Variants in IL1RAPL2 observed in about 807,000 individuals in gnomAD.
The protein encoded by IL1RAPL2 is X-linked interleukin-1 receptor accessory protein-like 2.
A neutral mutation model predicts 44.1 loss-of-function variants in IL1RAPL2; 3 were observed. The observed-to-expected ratio is 0.07, with a 90% CI of 0.03 to 0.18. The LOEUF (loss-of-function observed/expected upper bound fraction) is 0.18, where lower values mean the gene tolerates loss of function less well. Among genes scored for constraint, IL1RAPL2 ranks in the 10% least tolerant of loss-of-function variants. The probability of loss-of-function intolerance (pLI) is 1.00; values close to 1 mark genes in which losing one functional copy is unlikely to be tolerated. For synonymous variants in IL1RAPL2, 181 were observed against 178.8 expected, an observed-to-expected ratio of 1.01 and a Z score of -0.10; for missense variants, 391 against 496.4, an observed-to-expected ratio of 0.79 and a Z score of 2.02.
At chrX:105,766,854 G>A (rs2038734921) in intron 10 of IL1RAPL2, 110 bp from the exon 11 acceptor site, 2 of 492,209 alleles carry the variant, frequency 4.1e-6, no homozygotes, top group African/African-American at 2.4e-5. Flanking sequence ...AAGAAAATGT[G>A]ATGGACTTTA....
chrX:104,903,549 G>A (rs949678312), intron 2 of IL1RAPL2, among the ~76,000 whole-genome samples: 7 of 111,159 alleles, frequency 6.3e-5, no homozygotes, highest in Non-Finnish European at 1.9e-5. Flanking sequence ...GACCCTTTGA[G>A]GTCAGTTGTA....
intron 2 of IL1RAPL2, among the ~76,000 whole-genome samples, chrX:105,025,041 C>T (rs1404910480): frequency 9.1e-6 from 1 of 109,834 alleles, no homozygotes; most frequent in East Asian, 2.9e-4. Context: ...CAACGTTTTC[C>T]ACTGTGTATT....
At chrX:105,074,411 T>A (rs1211213092) in intron 2 of IL1RAPL2, among the ~76,000 whole-genome samples, 2 of 111,771 alleles carry the variant, frequency 1.8e-5, no homozygotes, top group Non-Finnish European at 3.8e-5. Context: ...ATCTCTGTTT[T>A]GGTACCAGTA....
At chrX:105,377,085 C>G (rs1016127256) in intron 5 of IL1RAPL2, among the ~76,000 whole-genome samples, 2 of 111,721 alleles carry the variant, frequency 1.8e-5, no homozygotes, top group East Asian at 5.6e-4. Flanking sequence ...TTTGTATAAA[C>G]TTTCCCCAAA....
In IL1RAPL2 at chrX:105,612,252, C is replaced by A. The variant is rs186388393; in HGVS notation, c.773-105115C>A. 3.6e-5 allele frequency among the ~76,000 whole-genome samples: 4 copies of A among 110,691 alleles called. No individual in the cohort carries two copies. The East Asian group carries it at 1.1e-3, about 32-fold the overall frequency. ...CTCTGAGTCGTTGGGACTACAGGTG[C>A]ATGCCACCATGCTTAGCTAATTTTT... On this transcript the variant is annotated intron_variant, in intron 6 of 10. Coordinates refer to ENST00000372582, the MANE Select transcript of IL1RAPL2 (RefSeq NM_017416.2).
chrX:105,114,007 C>A (rs1286390152), intron 2 of IL1RAPL2, among the ~76,000 whole-genome samples: 1 of 111,858 alleles, frequency 8.9e-6, no homozygotes, highest in Non-Finnish European at 1.9e-5. Context: ...TTGTTTACTT[C>A]CTCTGGAAAA....
intron 2 of IL1RAPL2, among the ~76,000 whole-genome samples, chrX:104,882,339 C>A (rs1923093244): frequency 8.9e-6 from 1 of 111,832 alleles, no homozygotes; most frequent in Non-Finnish European, 1.9e-5. Flanking sequence ...AAATAAGTAC[C>A]CATTTTCAAT....
intron 2 of IL1RAPL2, among the ~76,000 whole-genome samples, chrX:104,778,745 A>G (rs958243527): frequency 2.7e-5 from 3 of 109,552 alleles, no homozygotes; most frequent in Non-Finnish European, 5.7e-5. Flanking sequence ...CAGCCAATTA[A>G]AATGGATTTT....
rs1174518880 is a variant in IL1RAPL2, at chrX:104,647,032, CT to C, written c.-19-11852del. On this transcript the variant is annotated intron_variant, in intron 1 of 10. Transcript: ENST00000372582. ...TTATAGTAGTGTCAAAAATTCCAAA[CT>C]TTTTTTTTTTAAGAGATCTGAAGTG... is the stretch of plus-strand genomic sequence containing the variant. Among the ~76,000 whole-genome samples, 491 of 106,541 alleles carry C rather than the reference CT, an allele frequency of 4.6e-3. 4 individuals carry two copies. The highest frequency in any genetic ancestry group is 0.015 in the African/African-American group (438 of 29,342). 92.5% of individuals were successfully genotyped at this position (106,541 alleles called of 115,157 possible). A position where few individuals can be genotyped will look rare whatever the true frequency, so the allele number is the denominator to read the frequency against.
At chrX:104,581,466 G>A (rs1288404924) in intron 1 of IL1RAPL2, among the ~76,000 whole-genome samples, 2 of 111,821 alleles carry the variant, frequency 1.8e-5, no homozygotes, top group Middle Eastern at 4.6e-3. Flanking sequence ...TCTTCATATG[G>A]TTTATAGATC....
chrX:105,349,869 A>G (rs904329235), intron 5 of IL1RAPL2, among the ~76,000 whole-genome samples: 11 of 111,819 alleles, frequency 9.8e-5, no homozygotes, highest in Non-Finnish European at 1.9e-4. Flanking sequence ...CCAGAAAAAA[A>G]TGTTGTTTTT....
At chrX:105,019,948 C>T (rs1418045799) in intron 2 of IL1RAPL2, among the ~76,000 whole-genome samples, 1 of 110,931 alleles carries the variant, frequency 9.0e-6, no homozygotes, top group Non-Finnish European at 1.9e-5. Context: ...TATTAAAGTT[C>T]TGCCTTACCC....
chrX:105,339,793 T>C (rs758275397), intron 5 of IL1RAPL2, among the ~76,000 whole-genome samples: 1 of 111,703 alleles, frequency 9.0e-6, no homozygotes, highest in South Asian at 3.8e-4. Context: ...GCCAGGTTAC[T>C]TAATTATATT....
chrX:105,347,966 GTATC>G (rs2035124038), intron 5 of IL1RAPL2, among the ~76,000 whole-genome samples: 1 of 111,764 alleles, frequency 8.9e-6, no homozygotes, highest in East Asian at 2.8e-4. Flanking sequence ...TCCATGAAAA[GTATC>G]TACCATTCAT....
At chrX:104,629,532 T>G (rs1015875590) in intron 1 of IL1RAPL2, among the ~76,000 whole-genome samples, 7 of 112,184 alleles carry the variant, frequency 6.2e-5, no homozygotes, top group African/African-American at 2.3e-4. Context: ...CTTTTTAGTT[T>G]ATAATGGTTT....
chrX:104,567,501 A>G (rs1370411616), intron 1 of IL1RAPL2, among the ~76,000 whole-genome samples: 1 of 112,493 alleles, frequency 8.9e-6, no homozygotes, highest in East Asian at 2.8e-4. Context: ...CCCCAGCAAT[A>G]CGCTGCCGCT....
rs1378927982 is a variant in IL1RAPL2 at position 104,885,620 on chromosome X, G to A, written c.82+226625G>A. Among the ~76,000 whole-genome samples the A allele has an allele frequency of 3.6e-5, 4 of 111,535 alleles. 1 individual carries two copies. Among genetic ancestry groups the A allele is most frequent in the East Asian group, 2.8e-4 (1 of 3,540 alleles). On this transcript the variant is annotated intron_variant, in intron 2 of 10. Transcript: ENST00000372582. The stretch of plus-strand genomic sequence containing the variant: ...AGGCATTATTAAACCTGGCAACCTC[G>A]GTGTTCTATAATAGGGACCAAGAGG...
At chrX:105,029,896 C>G (rs1442328113) in intron 2 of IL1RAPL2, among the ~76,000 whole-genome samples, 1 of 111,472 alleles carries the variant, frequency 9.0e-6, no homozygotes, top group Non-Finnish European at 1.9e-5. Context: ...TATTTCTCCA[C>G]ATCCTCTCCA....
intron 5 of IL1RAPL2, among the ~76,000 whole-genome samples, chrX:105,348,136 C>A (rs2147703208): frequency 8.9e-6 from 1 of 111,793 alleles, no homozygotes; most frequent in Non-Finnish European, 1.9e-5. Context: ...ACCAGCAATT[C>A]TTTGATAGCC....
Sources: allele counts gnomAD v4.1 joint callset (sites outside exome capture counted in the v4.1 genomes callset), GRCh38; gene constraint gnomAD v4.1.1; transcripts MANE v1.5; gene names NCBI Gene and HGNC (gene_info 2026-07-23, HGNC 2026-07-21).